INF2: variants seen among roughly 807,000 people sequenced by gnomAD.
INF2 encodes the protein inverted formin 2.
A neutral mutation model predicts 123.5 loss-of-function variants in INF2; 43 were observed. That is an observed-to-expected ratio of 0.35 (90% CI 0.27 to 0.45). The LOEUF (loss-of-function observed/expected upper bound fraction) is 0.45, where lower values mean the gene tolerates loss of function less well. INF2 is among the 20% of genes least tolerant of loss of function. The pLI, the probability that INF2 is intolerant of heterozygous loss-of-function variation, is 1.00. For missense variants in INF2, 1,453 were observed against 1,682.7 expected, an observed-to-expected ratio of 0.86 and a Z score of 2.39; for synonymous variants, 851 against 745.0, an observed-to-expected ratio of 1.14 and a Z score of -2.32.
intron 13 of INF2, 43 bp from the exon 14 acceptor site, chr14:104,710,894 C>A (rs769952697): frequency 4.8e-5 from 76 of 1,583,606 alleles, no homozygotes; most frequent in Non-Finnish European, 6.5e-5. Context: ...CATCTGGGGG[C>A]TCCGAACCAA....
At chr14:104,700,751 G>A (rs1467968894) in intron 1 of INF2, 4 of 691,340 alleles carry the variant, frequency 5.8e-6, no homozygotes, top group Non-Finnish European at 7.1e-6. Context: ...TCCTGTTGGT[G>A]TGGGCCCCCT....
upstream of INF2, among the ~76,000 whole-genome samples, chr14:104,688,808 C>T (rs1595148967): frequency 4.6e-5 from 7 of 152,208 alleles, no homozygotes; most frequent in Admixed American, 3.9e-4. Context: ...GAGGGTCAGA[C>T]GTCAGAAGGG....
At chr14:104,700,752 TG>T in intron 1 of INF2, 3 of 698,004 alleles carry the variant, frequency 4.3e-6, no homozygotes, top group Non-Finnish European at 5.3e-6. Flanking sequence ...CCTGTTGGTG[TG>T]GGCCCCCTAC....
At chr14:104,708,214 C>A in intron 8 of INF2, 3 of 881,154 alleles carry the variant, frequency 3.4e-6, no homozygotes, top group Non-Finnish European at 3.4e-6. Flanking sequence ...CCCCCCTCCA[C>A]ATGCTCCCGT....
rs368372551 is a variant in INF2 at position 104,714,221 on chromosome 14, C to A, written c.3059C>A (p.Ala1020Glu). 6.5e-7 allele frequency: 1 copy of A among 1,547,938 alleles called. No individual in the cohort carries two copies. Among genetic ancestry groups the A allele is most frequent in the Non-Finnish European group, 8.7e-7 (1 of 1,148,882 alleles). Residue 1020 changes from alanine to glutamate, a missense_variant, in exon 21 of 23, where the codon GCA becomes GAA. Physicochemically the swap from Ala to Glu is moderately radical, Grantham distance 107. Transcript: ENST00000392634. ...ATEPVATSNP[A>E]GDPVGSTRCP... The stretch of plus-strand genomic sequence containing the variant: ...CATCCAGTGGCCACCAGTAACCCTG[C>A]AGGAGATCCCGTGGGCAGCACGCGC...
At position 104,707,266 on chromosome 14, in the gene INF2, C is replaced by T; in HGVS notation, c.999C>T (p.Thr333=). 1 of 1,609,672 alleles carries T rather than the reference C, an allele frequency of 6.2e-7. No individual in the cohort carries two copies. The highest frequency in any genetic ancestry group is 8.5e-7 in the Non-Finnish European group (1 of 1,178,626). ...VLLASDAQEC[T]LEEVVERLLS... ...CCCCTACTGCAGCCCAGGAATGCAC[C>T]CTGGAGGAAGTGGTTGAGCGGCTCC... The change falls in exon 8 of 23, where the codon ACC becomes ACT. Residue 333 remains threonine, a synonymous_variant. Transcript: ENST00000392634.
rs1054911981 is a variant in INF2, at chr14:104,721,409, G to T, written c.*2616G>T. Reference sequence around the variant, plus strand: ...TGCTGTGGACGTCTGCGTCGTCCTCGTGTGGATGCTGCTGTGGACGTCTGT... The same window carrying T: ...TGCTGTGGACGTCTGCGTCGTCCTCTTGTGGATGCTGCTGTGGACGTCTGT... On this transcript the variant is annotated 3_prime_UTR_variant, in exon 23 of 23. Coordinates refer to ENST00000392634, the MANE Select transcript of INF2 (RefSeq NM_022489.4). 2 of 160,992 alleles carry T rather than the reference G, an allele frequency of 1.2e-5. No individual in the cohort carries two copies. Among genetic ancestry groups the T allele is most frequent in the Non-Finnish European group, 2.7e-5 (2 of 73,822 alleles). The allele number at this position is 160,992 out of a possible 1,614,324, so 10.0% of individuals were successfully genotyped here. A position where few individuals can be genotyped will look rare whatever the true frequency, so the allele number is the denominator to read the frequency against.
rs1566781584 is a variant in INF2, at chr14:104,707,547, C to CACCCCT, written c.1281_1286dup (p.Pro428_Leu429dup). On this transcript the variant is annotated inframe_insertion, in exon 8 of 23. Transcript: ENST00000392634. ...TCCACCCCACCCCCACCCCCACCCC[C>CACCCCT]ACCCCTGCTCCCTGGTTCCAGTGCC... 8 of 1,223,866 alleles carry CACCCCT rather than the reference C, an allele frequency of 6.5e-6. No individual in the cohort carries two copies. The highest frequency in any genetic ancestry group is 3.4e-5 in the African/African-American group (2 of 59,228). The allele number at this position is 1,223,866 out of a possible 1,614,324, so 75.8% of individuals were successfully genotyped here.
rs1890563910 is a variant in INF2, at chr14:104,721,801, T to C, written c.*3008T>C. ...TGGAGCCTGGTTTTTCTTTTTCCTCTGTGCTCCATGAGAAGTCAGTTTAGT... is the reference window on the plus strand; with the variant it reads ...TGGAGCCTGGTTTTTCTTTTTCCTCCGTGCTCCATGAGAAGTCAGTTTAGT... On this transcript the variant is annotated 3_prime_UTR_variant, in exon 23 of 23. Coordinates refer to ENST00000392634, the MANE Select transcript of INF2 (RefSeq NM_022489.4). The C allele has an allele frequency of 6.6e-6, 1 of 152,290 alleles. No homozygotes were observed. The highest frequency in any genetic ancestry group is 6.5e-5 in the Admixed American group (1 of 15,282). 9.4% of individuals were successfully genotyped at this position (152,290 alleles called of 1,614,324 possible). A position where few individuals can be genotyped will look rare whatever the true frequency, so the allele number is the denominator to read the frequency against.
intron 4 of INF2, 78 bp downstream of exon 4, chr14:104,703,532 G>A: frequency 1.3e-6 from 2 of 1,570,502 alleles, no homozygotes; most frequent in Admixed American, 1.7e-5. Flanking sequence ...TCCACCTGGG[G>A]AGGTGGGAGC....
intron 12 of INF2, 57 bp from the exon 13 acceptor site, chr14:104,710,031 T>G: frequency 7.1e-7 from 1 of 1,411,022 alleles, no homozygotes; most frequent in Non-Finnish European, 9.8e-7. Context: ...TGAGTGCCCC[T>G]CTGGCAGGGA....
intron 16 of INF2, 81 bp downstream of exon 16, chr14:104,711,780 C>T: frequency 7.4e-7 from 1 of 1,358,350 alleles, no homozygotes; most frequent in Non-Finnish European, 1.0e-6. Flanking sequence ...TGGCTGCCCG[C>T]CAGGGCTGGG....
Position 104,710,569 on chromosome 14 carries a change from GAC to G in INF2, c.2240-363_2240-362del, listed in dbSNP as rs369416549. On this transcript the variant is annotated intron_variant, in intron 13 of 22. Transcript: ENST00000392634. ...CACACACATGCACACAGGACACACA[GAC>G]ACACGTACACACCCCCCCAACACAC... 5.3e-3 allele frequency among the ~76,000 whole-genome samples: 810 copies of G among 151,902 alleles called. 12 individuals are homozygous for G. The highest frequency in any genetic ancestry group is 5.5e-3 in the Non-Finnish European group (370 of 67,832).
intron 1 of INF2, among the ~76,000 whole-genome samples, chr14:104,692,945 C>T (rs1889023956): frequency 6.6e-6 from 1 of 152,248 alleles, no homozygotes; most frequent in African/African-American, 2.4e-5. Flanking sequence ...CCTCAGTTCA[C>T]TCCTGTTCTC....
In INF2 at chr14:104,703,771, GCAT is replaced by G. The variant is rs374945781; in HGVS notation, c.668-144_668-142del. The G allele has an allele frequency of 0.076, 108,736 of 1,431,714 alleles. 4,738 individuals are homozygous for G. Among genetic ancestry groups the G allele is most frequent in the Middle Eastern group, 0.1 (542 of 5,292 alleles). 88.7% of individuals were successfully genotyped at this position (1,431,714 alleles called of 1,614,324 possible). On this transcript the variant is annotated intron_variant, in intron 4 of 22. Transcript: ENST00000392634. ...CTGAGTAAGCATCACTGTGTGTCCA[GCAT>G]GATGTCTCCCCTCCAGAGCCTCAGG...
rs1888846189 is a variant in INF2, at chr14:104,689,753, C to T, written c.-10+14C>T. The T allele has an allele frequency of 1.0e-6, 1 of 984,934 alleles. No homozygotes were observed. Among genetic ancestry groups the T allele is most frequent in the Non-Finnish European group, 1.2e-6 (1 of 829,738 alleles). 61.0% of individuals were successfully genotyped at this position (984,934 alleles called of 1,614,324 possible). On this transcript the variant is annotated intron_variant, in intron 1 of 22. Coordinates refer to ENST00000392634, the MANE Select transcript of INF2 (RefSeq NM_022489.4). Reference sequence around the variant, plus strand: ...TTGCCTCACCGGGTAAGTCCTTGGCCTCGGGGTCCGCTTGGAGCTTCAGGG... The same window carrying T: ...TTGCCTCACCGGGTAAGTCCTTGGCTTCGGGGTCCGCTTGGAGCTTCAGGG...
upstream of INF2, chr14:104,689,109 A>C (rs1888791739): frequency 7.1e-6 from 5 of 708,640 alleles, no homozygotes; most frequent in South Asian, 3.2e-4. Context: ...AGAGGAGGCC[A>C]CATGGGTGGC....
chr14:104,717,252 C>T (rs1188376068), intron 22 of INF2, among the ~76,000 whole-genome samples: 13 of 142,890 alleles, frequency 9.1e-5, no homozygotes, highest in African/African-American at 3.3e-4. Context: ...TGCCGTCCTC[C>T]CAGTCCGCCC....
chr14:104,681,136 T>TG (rs1041409417), upstream of INF2: 26 of 229,714 alleles, frequency 1.1e-4, no homozygotes, highest in African/African-American at 5.5e-4. Flanking sequence ...AGCTGCCATC[T>TG]GGGGGGTGGC....
Sources: gnomAD v4.1 joint callset for allele counts (sites outside exome capture counted in the v4.1 genomes callset) on GRCh38, gnomAD v4.1.1 for gene constraint, MANE v1.5 for transcripts, NCBI Gene and HGNC (gene_info 2026-07-23, HGNC 2026-07-21) for gene names.